Variants in SH2D4A observed in about 807,000 individuals in gnomAD.
The protein encoded by SH2D4A is SH2 domain-containing protein 4A.
A neutral mutation model predicts 64.7 loss-of-function variants in SH2D4A; 70 were observed. The observed-to-expected ratio is 1.08, with a 90% CI of 0.89 to 1.32. The LOEUF (loss-of-function observed/expected upper bound fraction) is 1.32. SH2D4A is among the 40% of genes most tolerant of loss of function. SH2D4A has a pLI of 0.00. For missense variants in SH2D4A, 706 were observed against 540.1 expected (o/e 1.31, Z -3.04); for synonymous variants, 268 against 200.7 (o/e 1.34, Z -2.83).
In SH2D4A at chr8:19,361,332, T is replaced by A. The variant is rs1236034994; in HGVS notation, c.706+18T>A. 1.3e-6 allele frequency: 2 copies of A among 1,579,558 alleles called. No individual in the cohort carries two copies. The highest frequency in any genetic ancestry group is 2.0e-5 in the Admixed American group (1 of 50,294). ...GGCATCTCGTGAGTACCCAGAGGTC[T>A]CCATAGCACCTTCCAGGCTCTCAGC... On this transcript the variant is annotated intron_variant, in intron 6 of 9. Transcript: ENST00000265807.
At chr8:19,326,408 C>T (rs1201504746) in intron 2 of SH2D4A, among the ~76,000 whole-genome samples, 3 of 152,190 alleles carry the variant, frequency 2.0e-5, no homozygotes, top group African/African-American at 7.2e-5. Context: ...GCAGTGGTTT[C>T]TGGGAGTCTG....
chr8:19,391,023 C>G (rs2053484040), intron 8 of SH2D4A, among the ~76,000 whole-genome samples: 1 of 152,132 alleles, frequency 6.6e-6, no homozygotes, highest in African/African-American at 2.4e-5. Context: ...AGCCGTCAGC[C>G]TAGGAGGAGG....
intron 4 of SH2D4A, among the ~76,000 whole-genome samples, chr8:19,354,510 T>C (rs902632281): frequency 2.0e-5 from 3 of 152,222 alleles, no homozygotes; most frequent in Admixed American, 2.0e-4. Context: ...CTGTGCTTCA[T>C]ATTATTTTAA....
At chr8:19,374,849 C>T (rs771609551) in intron 8 of SH2D4A, among the ~76,000 whole-genome samples, 1 of 152,144 alleles carries the variant, frequency 6.6e-6, no homozygotes, top group African/African-American at 2.4e-5. Context: ...TTAGCCGCGG[C>T]TGTCTCAGCT....
intron 8 of SH2D4A, among the ~76,000 whole-genome samples, chr8:19,384,876 G>A (rs911813007): frequency 1.3e-5 from 2 of 152,200 alleles, no homozygotes; most frequent in Non-Finnish European, 2.9e-5. Flanking sequence ...AACTGGCAGG[G>A]ACTGGGAGTG....
At chr8:19,351,124 A>G (rs868111300) in intron 4 of SH2D4A, among the ~76,000 whole-genome samples, 81 of 152,316 alleles carry the variant, frequency 5.3e-4, no homozygotes, top group African/African-American at 1.9e-3. Context: ...TTTTAGAAGC[A>G]AAAAGGTAAA....
At chr8:19,380,488 A>C (rs945027049) in intron 8 of SH2D4A, among the ~76,000 whole-genome samples, 1 of 152,124 alleles carries the variant, frequency 6.6e-6, no homozygotes, top group Non-Finnish European at 1.5e-5. Context: ...TTTTCTTCTA[A>C]AAGTGTTCCA....
At chr8:19,325,420 G>A (rs2052261916) in intron 2 of SH2D4A, among the ~76,000 whole-genome samples, 2 of 152,166 alleles carry the variant, frequency 1.3e-5, no homozygotes, top group African/African-American at 4.8e-5. Context: ...TGAGTCAGTG[G>A]TAGAGTTAGG....
intron 4 of SH2D4A, among the ~76,000 whole-genome samples, chr8:19,335,809 A>T (rs773471014): frequency 2.0e-5 from 3 of 152,210 alleles, no homozygotes; most frequent in South Asian, 2.1e-4. Flanking sequence ...TATGGTTCAG[A>T]TGGTTTAAAA....
Position 19,393,452 on chromosome 8 carries a change from C to T in SH2D4A, c.1183C>T (p.Leu395Phe), listed in dbSNP as rs2053530759. 1.2e-6 allele frequency: 2 copies of T among 1,614,240 alleles called. No individual in the cohort carries two copies. Among genetic ancestry groups the T allele is most frequent in the Non-Finnish European group, 1.7e-6 (2 of 1,180,038 alleles). The change falls in exon 9 of 10, where the codon CTC (leucine) becomes TTC (phenylalanine). Residue 395 changes from leucine to phenylalanine, a missense_variant. Transcript: ENST00000265807. The stretch of plus-strand genomic sequence containing the variant: ...GTCGGAGGACGGCTGTAAACATTTC[C>T]TCATCGATGCCTCTGCAGACGCCTA... ...YLSEDGCKHF[L>F]IDASADAYSF...
intron 4 of SH2D4A, among the ~76,000 whole-genome samples, chr8:19,350,943 A>T (rs1402242534): frequency 6.6e-6 from 1 of 152,174 alleles, no homozygotes; most frequent in Non-Finnish European, 1.5e-5. Flanking sequence ...GTCCTAATTC[A>T]TGTGTCAGTA....
intron 2 of SH2D4A, among the ~76,000 whole-genome samples, chr8:19,324,144 G>T (rs1200606403): frequency 1.3e-5 from 2 of 152,206 alleles, no homozygotes; most frequent in East Asian, 3.9e-4. Context: ...CTGCCACAGA[G>T]CCTTCTTCTT....
At chr8:19,341,072 T>G (rs2052522015) in intron 4 of SH2D4A, among the ~76,000 whole-genome samples, 1 of 152,224 alleles carries the variant, frequency 6.6e-6, no homozygotes, top group African/African-American at 2.4e-5. Context: ...TAGAATGCCC[T>G]CATTTTTGTA....
At chr8:19,392,681 C>T (rs1011406564) in intron 8 of SH2D4A, among the ~76,000 whole-genome samples, 5 of 152,050 alleles carry the variant, frequency 3.3e-5, no homozygotes, top group African/African-American at 7.2e-5. Context: ...CCTTATAAAC[C>T]GTCTAACACC....
chr8:19,388,959 G>A (rs893777276), intron 8 of SH2D4A, among the ~76,000 whole-genome samples: 3 of 152,152 alleles, frequency 2.0e-5, no homozygotes, highest in Admixed American at 6.5e-5. Flanking sequence ...TTGGATGGAG[G>A]GGAAAACTAG....
chr8:19,374,880 C>T (rs946610251), intron 8 of SH2D4A, among the ~76,000 whole-genome samples: 2 of 152,092 alleles, frequency 1.3e-5, no homozygotes, highest in African/African-American at 4.8e-5. Flanking sequence ...GCCTTGCTTT[C>T]CTTTTTAAAA....
chr8:19,385,536 T>A (rs2053374420), intron 8 of SH2D4A, among the ~76,000 whole-genome samples: 1 of 152,162 alleles, frequency 6.6e-6, no homozygotes, highest in Admixed American at 6.5e-5. Flanking sequence ...CATTTTTTGA[T>A]ACATCCTACT....
intron 4 of SH2D4A, among the ~76,000 whole-genome samples, chr8:19,338,549 G>T (rs1195629273): frequency 6.6e-6 from 1 of 152,180 alleles, no homozygotes; most frequent in East Asian, 1.9e-4. Context: ...GGGAGATGTG[G>T]CTATAGGATA....
intron 7 of SH2D4A, among the ~76,000 whole-genome samples, 184 bp from the exon 8 acceptor site, chr8:19,373,346 G>GTATATA (rs35016045): frequency 2.7e-5 from 4 of 146,278 alleles, no homozygotes; most frequent in South Asian, 4.4e-4. Flanking sequence ...ACACACATGT[G>GTATATA]TATATATATA....
Sources: allele counts gnomAD v4.1 joint callset (sites outside exome capture counted in the v4.1 genomes callset), GRCh38; gene constraint gnomAD v4.1.1; transcripts MANE v1.5; gene names NCBI Gene and HGNC (gene_info 2026-07-23, HGNC 2026-07-21).